The following CAMK1D variants were observed in gnomAD, a reference collection of about 807,000 sequenced individuals.
CAMK1D encodes the protein calcium/calmodulin dependent protein kinase ID, also known as calcium/calmodulin-dependent protein kinase type 1D.
Under a neutral mutation model 47.7 loss-of-function variants are expected in CAMK1D, and 9 were observed. The observed-to-expected ratio is 0.19, with a 90% CI of 0.11 to 0.33. CAMK1D has a LOEUF of 0.33. Among genes scored for constraint, CAMK1D ranks in the 10% least tolerant of loss-of-function variants. The pLI is 1.00. For missense variants in CAMK1D, 291 were observed against 488.7 expected (o/e 0.60, Z 3.81); for synonymous variants, 184 against 184.9 (o/e 0.99, Z 0.04).
intron 7 of CAMK1D, 89 bp downstream of exon 7, chr10:12,814,396 G>A (rs538162888): frequency 2.5e-6 from 2 of 791,050 alleles, no homozygotes; most frequent in East Asian, 2.5e-5. Context: ...GGGGACCCTG[G>A]GGGGCTCAGA....
intron 2 of CAMK1D, among the ~76,000 whole-genome samples, chr10:12,665,929 GC>G (rs1235736798): frequency 6.6e-6 from 1 of 152,254 alleles, no homozygotes; most frequent in Non-Finnish European, 1.5e-5. Flanking sequence ...AGTTTGAGCA[GC>G]GCTGGTCTAA....
At chr10:12,469,251 C>T (rs1371020095) in intron 1 of CAMK1D, among the ~76,000 whole-genome samples, 1 of 152,030 alleles carries the variant, frequency 6.6e-6, no homozygotes, top group Non-Finnish European at 1.5e-5. Context: ...GAAAAGCCAC[C>T]CAGCATTTCT....
chr10:12,694,044 A>C (rs1485411259), intron 3 of CAMK1D, among the ~76,000 whole-genome samples: 1 of 67,492 alleles, frequency 1.5e-5, no homozygotes, highest in Non-Finnish European at 2.5e-5. Context: ...AAATATACAT[A>C]TAATATATAT....
intron 1 of CAMK1D, among the ~76,000 whole-genome samples, chr10:12,489,726 G>A (rs953837412): frequency 3.3e-5 from 5 of 152,154 alleles, no homozygotes; most frequent in African/African-American, 1.2e-4. Context: ...TATGCTGGAC[G>A]AGCCCTTTCT....
chr10:12,816,449 C>A, intron 8 of CAMK1D, 121 bp downstream of exon 8: 1 of 786,576 alleles, frequency 1.3e-6, no homozygotes, highest in South Asian at 1.8e-5. Context: ...AATTTCATCT[C>A]ATTCTGGCCA....
At chr10:12,430,382 C>G (rs577451310) in intron 1 of CAMK1D, among the ~76,000 whole-genome samples, 1 of 152,192 alleles carries the variant, frequency 6.6e-6, no homozygotes, top group East Asian at 1.9e-4. Context: ...GTCTGTGGGT[C>G]CTTTGGCCTC....
At chr10:12,445,945 T>C (rs1056573612) in intron 1 of CAMK1D, among the ~76,000 whole-genome samples, 1 of 152,200 alleles carries the variant, frequency 6.6e-6, no homozygotes, top group African/African-American at 2.4e-5. Context: ...CATAACAAAT[T>C]TTGAAAAAGA....
intron 1 of CAMK1D, among the ~76,000 whole-genome samples, chr10:12,532,359 A>C (rs915398545): frequency 2.0e-5 from 3 of 150,124 alleles, no homozygotes; most frequent in Non-Finnish European, 4.5e-5. Context: ...GGCTCACTGC[A>C]AGCTCCGCCT....
chr10:12,666,288 T>G lies in CAMK1D; in HGVS notation c.225-448T>G, dbSNP rs115615652. 4.8e-3 allele frequency among the ~76,000 whole-genome samples: 725 copies of G among 152,202 alleles called. 9 individuals carry two copies. The highest frequency in any genetic ancestry group is 0.016 in the African/African-American group (649 of 41,516). The stretch of plus-strand genomic sequence containing the variant: ...TCCCTGGAACATATATATTCTCCAG[T>G]GTCTCACCAGGTCTCCCTGCTCCCT... On this transcript the variant is annotated intron_variant, in intron 2 of 10. Coordinates refer to ENST00000619168, the MANE Select transcript of CAMK1D (RefSeq NM_153498.4).
chr10:12,461,804 A>G (rs1325392372), intron 1 of CAMK1D, among the ~76,000 whole-genome samples: 1 of 152,090 alleles, frequency 6.6e-6, no homozygotes. Flanking sequence ...TAGCCAAGGT[A>G]TCTCTTAGAG....
chr10:12,600,447 A>AT (rs1554795028), intron 2 of CAMK1D, among the ~76,000 whole-genome samples: 1 of 152,216 alleles, frequency 6.6e-6, no homozygotes, highest in African/African-American at 2.4e-5. Flanking sequence ...TTAACAGAAT[A>AT]TAGAGGGGTC....
intron 1 of CAMK1D, among the ~76,000 whole-genome samples, chr10:12,365,478 G>C (rs1222033208): frequency 6.6e-6 from 1 of 151,466 alleles, no homozygotes; most frequent in Admixed American, 6.6e-5. Context: ...TCGCTCTGTC[G>C]CCCAGGCTGG....
At chr10:12,420,821 A>G (rs1009312443) in intron 1 of CAMK1D, among the ~76,000 whole-genome samples, 2 of 152,138 alleles carry the variant, frequency 1.3e-5, no homozygotes, top group Non-Finnish European at 2.9e-5. Flanking sequence ...GAGGGCTGTC[A>G]TCTTTCCCCT....
At chr10:12,797,681 T>C (rs959659610) in intron 6 of CAMK1D, among the ~76,000 whole-genome samples, 1 of 152,180 alleles carries the variant, frequency 6.6e-6, no homozygotes, top group Non-Finnish European at 1.5e-5. Flanking sequence ...TCGGTTTGGC[T>C]GCTTTCCAAG....
At chr10:12,393,118 G>A (rs1445273533) in intron 1 of CAMK1D, among the ~76,000 whole-genome samples, 1 of 150,388 alleles carries the variant, frequency 6.6e-6, no homozygotes, top group East Asian at 1.9e-4. Context: ...TCCAAGCTCC[G>A]CCTCCCGGGT....
rs1318103226 is a variant in CAMK1D at position 12,683,762 on chromosome 10, G to A, written c.299+16952G>A. Among the ~76,000 whole-genome samples, 5 of 151,264 alleles carry A rather than the reference G, an allele frequency of 3.3e-5. No individual in the cohort carries two copies. In the South Asian group the frequency reaches 1.0e-3, roughly 32 times the overall value. ...TCCAGGTGTGTGTGTGTGTGTGTGT[G>A]TGTGTGTGTGTGTGTGTGTGTAACA... On this transcript the variant is annotated intron_variant, in intron 3 of 10. Coordinates refer to ENST00000619168, the MANE Select transcript of CAMK1D (RefSeq NM_153498.4).
chr10:12,668,988 T>A (rs76362501), intron 3 of CAMK1D, among the ~76,000 whole-genome samples: 8,995 of 152,158 alleles, frequency 0.059, 265 homozygotes, highest in African/African-American at 0.068. Context: ...TCCCAGCACT[T>A]TGGGAGTTCG....
At chr10:12,417,893 C>T (rs1191343036) in intron 1 of CAMK1D, among the ~76,000 whole-genome samples, 1 of 152,112 alleles carries the variant, frequency 6.6e-6, no homozygotes, top group Non-Finnish European at 1.5e-5. Flanking sequence ...CCTCCGCCTC[C>T]TGGGTTCAGG....
At chr10:12,384,109 C>T (rs895268092) in intron 1 of CAMK1D, among the ~76,000 whole-genome samples, 2 of 152,122 alleles carry the variant, frequency 1.3e-5, no homozygotes, top group African/African-American at 4.8e-5. Context: ...TTTATAATAT[C>T]ATCAATAAGA....
Sources: allele counts gnomAD v4.1 joint callset (sites outside exome capture counted in the v4.1 genomes callset), GRCh38; gene constraint gnomAD v4.1.1; transcripts MANE v1.5; gene names NCBI Gene and HGNC (gene_info 2026-07-23, HGNC 2026-07-21).